The following HIVEP1 variants were observed in gnomAD, a reference collection of about 807,000 sequenced individuals.
HIVEP1 encodes HIVEP zinc finger 1, also known as zinc finger protein 40.
A neutral mutation model predicts 180.0 loss-of-function variants in HIVEP1; 36 were observed. The observed-to-expected ratio is 0.20, with a 90% confidence interval of 0.15 to 0.26. The LOEUF (loss-of-function observed/expected upper bound fraction) is 0.26, where lower values mean the gene tolerates loss of function less well. Among genes scored for constraint, HIVEP1 ranks in the 10% least tolerant of loss-of-function variants. The probability of loss-of-function intolerance (pLI) is 1.00; values close to 1 mark genes in which losing one functional copy is unlikely to be tolerated. For missense variants in HIVEP1, 3,143 were observed against 3,268.7 expected (o/e 0.96, Z 0.94); for synonymous variants, 1,239 against 1,239.0 (o/e 1.00, Z 0.00).
intron 2 of HIVEP1, among the ~76,000 whole-genome samples, chr6:12,053,970 A>G (rs575197275): frequency 6.6e-6 from 1 of 152,328 alleles, no homozygotes; most frequent in South Asian, 2.1e-4. Context: ...TCCATGTGGA[A>G]ATGTGAGCTA....
intron 7 of HIVEP1, among the ~76,000 whole-genome samples, chr6:12,136,970 A>G (rs74788592): frequency 0.011 from 1,705 of 152,310 alleles, 41 homozygotes; most frequent in African/African-American, 0.039. Flanking sequence ...CTTAACATGT[A>G]TGAGTTTGGT....
At chr6:12,153,254 C>T (rs985281915) in intron 7 of HIVEP1, among the ~76,000 whole-genome samples, 1 of 152,102 alleles carries the variant, frequency 6.6e-6, no homozygotes, top group African/African-American at 2.4e-5. Context: ...TCATTGTTGA[C>T]CTTTCTGATG....
At chr6:12,079,330 A>G (rs1772608834) in intron 2 of HIVEP1, among the ~76,000 whole-genome samples, 1 of 152,228 alleles carries the variant, frequency 6.6e-6, no homozygotes, top group African/African-American at 2.4e-5. Flanking sequence ...TAGGGCTGAC[A>G]GTAATAATTA....
Position 12,123,699 on chromosome 6 carries a change from C to T in HIVEP1, c.3904C>T (p.Leu1302Phe), listed in dbSNP as rs761251575. The part of the protein sequence containing the change: ...SSTESSFDST[L>F]SRSLSRESSL... ...AACAGAATCGAGCTTTGATTCCACT[C>T]TCTCCAGGAGTCTAAGTAGGGAGAG... Residue 1302 changes from leucine (L) to phenylalanine (F), a missense_variant, in exon 4 of 9, where the codon CTC (leucine) becomes TTC (phenylalanine). Physicochemically the swap from Leu to Phe is conservative, Grantham distance 22. Coordinates refer to ENST00000379388, the MANE Select transcript of HIVEP1 (RefSeq NM_002114.4). The T allele has an allele frequency of 1.2e-6, 2 of 1,614,036 alleles. No homozygotes were observed. Among genetic ancestry groups the T allele is most frequent in the Admixed American group, 1.7e-5 (1 of 59,992 alleles).
chr6:12,084,341 A>G (rs1772979119), intron 2 of HIVEP1, among the ~76,000 whole-genome samples: 2 of 152,150 alleles, frequency 1.3e-5, no homozygotes, highest in South Asian at 2.1e-4. Context: ...TTTCAGCATT[A>G]TAACAGCGTG....
chr6:12,138,778 C>G (rs1758839128), intron 7 of HIVEP1, among the ~76,000 whole-genome samples: 1 of 151,966 alleles, frequency 6.6e-6, no homozygotes, highest in South Asian at 2.1e-4. Context: ...CATCTCAGGT[C>G]TGATGTGTCC....
chr6:12,167,615 C>T (rs1339799887), downstream of HIVEP1, among the ~76,000 whole-genome samples: 1 of 104,108 alleles, frequency 9.6e-6, no homozygotes, highest in Non-Finnish European at 2.2e-5. Context: ...TGTTATATTA[C>T]ATGTATATAT....
chr6:12,036,622 G>C (rs527918446), intron 2 of HIVEP1, among the ~76,000 whole-genome samples: 1 of 152,362 alleles, frequency 6.6e-6, no homozygotes, highest in African/African-American at 2.4e-5. Flanking sequence ...GCAGCTTTCT[G>C]GCTGAGTGCT....
downstream of HIVEP1, among the ~76,000 whole-genome samples, chr6:12,168,658 T>C (rs559064113): frequency 1.3e-5 from 2 of 151,994 alleles, no homozygotes; most frequent in Non-Finnish European, 2.9e-5. Context: ...TCTCTTATGA[T>C]GCTGGGCAGC....
At chr6:12,058,493 T>C (rs1771014892) in intron 2 of HIVEP1, among the ~76,000 whole-genome samples, 1 of 152,216 alleles carries the variant, frequency 6.6e-6, no homozygotes, top group African/African-American at 2.4e-5. Flanking sequence ...TGATTCAAAA[T>C]ATGTTTGTTG....
rs66482971 is a variant in HIVEP1 at position 12,099,183 on chromosome 6, GT to G, written c.94+9962del. Among the ~76,000 whole-genome samples the G allele has an allele frequency of 2.0e-4, 27 of 138,424 alleles. 1 individual carries two copies. The highest frequency in any genetic ancestry group is 4.2e-4 in the East Asian group (2 of 4,806). The allele number at this position is 138,424 out of a possible 152,430, so 90.8% of individuals were successfully genotyped here. A position where few individuals can be genotyped will look rare whatever the true frequency, so the allele number is the denominator to read the frequency against. The stretch of plus-strand genomic sequence containing the variant: ...AGGAGCCAGAGGGAAATGTCACTGA[GT>G]TTTTTTTTTTTTTTTGAGACGGAGT... On this transcript the variant is annotated intron_variant, in intron 3 of 8. Transcript: ENST00000379388.
chr6:12,051,001 C>CATATATATATATATGTATAT (rs1770481122), intron 2 of HIVEP1, among the ~76,000 whole-genome samples: 1 of 77,600 alleles, frequency 1.3e-5, no homozygotes, highest in Non-Finnish European at 2.6e-5. Flanking sequence ...TACACAAGTG[C>CATATATATATATATGTATAT]ATATATATAT....
At chr6:12,068,731 C>T (rs1330162492) in intron 2 of HIVEP1, among the ~76,000 whole-genome samples, 4 of 152,052 alleles carry the variant, frequency 2.6e-5, no homozygotes, top group Non-Finnish European at 4.4e-5. Context: ...AATTGAGACA[C>T]CCAAGTTTGT....
the HIVEP1 span, among the ~76,000 whole-genome samples, chr6:12,209,154 A>G: frequency 9.3e-5 from 14 of 151,202 alleles, no homozygotes; most frequent in Non-Finnish European, 1.3e-4. Flanking sequence ...CAAACCATCC[A>G]CCTCCTACCA....
chr6:12,050,174 C>T (rs952155811), intron 2 of HIVEP1, among the ~76,000 whole-genome samples: 5 of 152,322 alleles, frequency 3.3e-5, no homozygotes, highest in African/African-American at 9.6e-5. Context: ...ATTAGTAAAC[C>T]GCGATTGGGT....
chr6:12,009,323 C>T (rs1297723393), upstream of HIVEP1, among the ~76,000 whole-genome samples: 2 of 151,974 alleles, frequency 1.3e-5, no homozygotes, highest in Non-Finnish European at 2.9e-5. Context: ...TGTGCCCTCT[C>T]CAAACTGTTC....
intron 2 of HIVEP1, among the ~76,000 whole-genome samples, chr6:12,017,768 T>C (rs937962471): frequency 2.6e-5 from 4 of 152,214 alleles, no homozygotes; most frequent in Admixed American, 6.5e-5. Context: ...TTAAAAACCT[T>C]GAGCTAGATA....
At chr6:12,061,915 T>C (rs1246244660) in intron 2 of HIVEP1, among the ~76,000 whole-genome samples, 2 of 152,202 alleles carry the variant, frequency 1.3e-5, no homozygotes, top group Non-Finnish European at 2.9e-5. Context: ...ATAAAGAAAC[T>C]TACTTGACTT....
intron 2 of HIVEP1, among the ~76,000 whole-genome samples, chr6:12,052,626 A>G (rs907003548): frequency 4.6e-5 from 7 of 152,206 alleles, no homozygotes; most frequent in African/African-American, 1.7e-4. Context: ...ATTTTTTGTT[A>G]TGAAAGAGGC....
Sources: allele counts gnomAD v4.1 joint callset (sites outside exome capture counted in the v4.1 genomes callset), GRCh38; gene constraint gnomAD v4.1.1; transcripts MANE v1.5; gene names NCBI Gene and HGNC (gene_info 2026-07-23, HGNC 2026-07-21).